LARGE1: variants seen among roughly 807,000 people sequenced by gnomAD.
LARGE1 encodes the protein xylosyl- and glucuronyltransferase LARGE1.
Under a neutral mutation model 87.6 loss-of-function variants are expected in LARGE1, and 43 were observed. The observed-to-expected ratio is 0.49, with a 90% CI of 0.38 to 0.63. The LOEUF (loss-of-function observed/expected upper bound fraction) is 0.63. LARGE1 is among the 30% of genes least tolerant of loss of function. The pLI is 0.00. For synonymous variants in LARGE1, 434 were observed against 394.6 expected (o/e 1.10, Z -1.18); for missense variants, 802 against 1,000.2 (o/e 0.80, Z 2.67).
chr22:33,272,232 G>A (rs546847448), downstream of LARGE1, among the ~76,000 whole-genome samples: 4 of 152,290 alleles, frequency 2.6e-5, no homozygotes, highest in African/African-American at 9.6e-5. Flanking sequence ...AACCTGTATC[G>A]GTATGTGTAC....
At chr22:33,419,266 C>A (rs983325754) in intron 7 of LARGE1, among the ~76,000 whole-genome samples, 1 of 152,010 alleles carries the variant, frequency 6.6e-6, no homozygotes, top group East Asian at 1.9e-4. Flanking sequence ...TGCCTCCCAT[C>A]AGGTTCCTCC....
At chr22:33,304,621 AT>A in intron 11 of LARGE1, 114 bp from the exon 12 acceptor site, 1 of 1,132,758 alleles carries the variant, frequency 8.8e-7, no homozygotes, top group Non-Finnish European at 1.2e-6. Flanking sequence ...TGTGGATCAA[AT>A]CCCTGCTTTC....
At chr22:33,644,431 T>A (rs2080543144) in intron 3 of LARGE1, among the ~76,000 whole-genome samples, 2 of 152,208 alleles carry the variant, frequency 1.3e-5, no homozygotes, top group Non-Finnish European at 2.9e-5. Flanking sequence ...AAGAGCTATT[T>A]ATGACAAACC....
At chr22:33,374,595 A>G (rs1284355391) in intron 9 of LARGE1, among the ~76,000 whole-genome samples, 1 of 152,160 alleles carries the variant, frequency 6.6e-6, no homozygotes, top group Non-Finnish European at 1.5e-5. Flanking sequence ...TTGACCTGAA[A>G]TTAACTTTTG....
chr22:33,359,808 C>T lies in LARGE1; in HGVS notation c.1132-22007G>A, dbSNP rs1266142748. Among the ~76,000 whole-genome samples the T allele has an allele frequency of 2.5e-4, 38 of 149,182 alleles. 3 individuals carry two copies. Among genetic ancestry groups the T allele is most frequent in the Admixed American group, 2.5e-3 (38 of 15,070 alleles). On this transcript the variant is annotated intron_variant, in intron 9 of 14. Transcript: ENST00000397394. Reference sequence around the variant, plus strand: ...CTCGATCTCCTGACCTTGTGATCTGCCCGCCTCGGCCTCCCAAAGTGCTGG... The same window carrying T: ...CTCGATCTCCTGACCTTGTGATCTGTCCGCCTCGGCCTCCCAAAGTGCTGG...
At chr22:33,532,147 T>G (rs1472534968) in intron 6 of LARGE1, among the ~76,000 whole-genome samples, 3 of 152,240 alleles carry the variant, frequency 2.0e-5, no homozygotes, top group Non-Finnish European at 2.9e-5. Context: ...ATCTATCCCT[T>G]ATTTCATTCC....
intron 9 of LARGE1, among the ~76,000 whole-genome samples, chr22:33,348,272 CCCCA>C (rs1403475549): frequency 1.8e-4 from 16 of 87,046 alleles, no homozygotes; most frequent in South Asian, 5.4e-4. Context: ...GTCCCCGCTC[CCCCA>C]CCCACCCCCC....
chr22:33,620,222 C>G (rs2079704723), intron 4 of LARGE1, among the ~76,000 whole-genome samples: 1 of 152,214 alleles, frequency 6.6e-6, no homozygotes, highest in African/African-American at 2.4e-5. Context: ...GGCAAATAAC[C>G]CAGCTTCATC....
chr22:33,425,048 G>T (rs2066829173), intron 7 of LARGE1, among the ~76,000 whole-genome samples: 1 of 151,782 alleles, frequency 6.6e-6, no homozygotes, highest in Non-Finnish European at 1.5e-5. Flanking sequence ...TGGATCATGA[G>T]GTTAGGAGTT....
chr22:33,890,191 G>C (rs2064968196), intron 1 of LARGE1, among the ~76,000 whole-genome samples: 2 of 152,218 alleles, frequency 1.3e-5, no homozygotes, highest in South Asian at 4.1e-4. Context: ...TAATTCTGGT[G>C]TTCAAATCCT....
intron 6 of LARGE1, among the ~76,000 whole-genome samples, chr22:33,493,741 A>T (rs2069969523): frequency 6.6e-6 from 1 of 152,128 alleles, no homozygotes; most frequent in African/African-American, 2.4e-5. Context: ...TGGGGCTGGG[A>T]TTCACAGCCA....
intron 1 of LARGE1, among the ~76,000 whole-genome samples, chr22:33,811,058 T>C (rs1313814463): frequency 6.6e-6 from 1 of 152,116 alleles, no homozygotes; most frequent in Non-Finnish European, 1.5e-5. Flanking sequence ...ATAAACATGA[T>C]TAATGCGTGA....
At chr22:33,595,970 T>C (rs8135260) in intron 5 of LARGE1, among the ~76,000 whole-genome samples, 22,598 of 152,114 alleles carry the variant, frequency 0.15, 1,892 homozygotes, top group African/African-American at 0.22. Flanking sequence ...TCTAATAGAG[T>C]TTCTAAATAT....
intron 7 of LARGE1, among the ~76,000 whole-genome samples, chr22:33,408,147 A>C (rs914901617): frequency 6.6e-6 from 1 of 150,934 alleles, no homozygotes; most frequent in Non-Finnish European, 1.5e-5. Context: ...CGCCCAGCTA[A>C]TTTTTTTTTG....
chr22:33,491,858 A>G (rs1473750350), intron 6 of LARGE1, among the ~76,000 whole-genome samples: 3 of 152,226 alleles, frequency 2.0e-5, no homozygotes, highest in East Asian at 3.8e-4. Flanking sequence ...CTAAATTACT[A>G]TGAAATAAAG....
At chr22:33,194,893 A>G (rs537851241) in intron 11 of LARGE1, among the ~76,000 whole-genome samples, 1 of 152,340 alleles carries the variant, frequency 6.6e-6, no homozygotes, top group South Asian at 2.1e-4. Flanking sequence ...CTTGACTCTC[A>G]GCCCAGAGTC....
At chr22:33,410,477 C>T (rs888569971) in intron 7 of LARGE1, among the ~76,000 whole-genome samples, 3 of 152,024 alleles carry the variant, frequency 2.0e-5, no homozygotes, top group African/African-American at 2.4e-5. Flanking sequence ...TGAGTTCTCA[C>T]GAGATCTGAT....
At chr22:33,422,360 C>A (rs2066722254) in intron 7 of LARGE1, among the ~76,000 whole-genome samples, 1 of 152,160 alleles carries the variant, frequency 6.6e-6, no homozygotes. Flanking sequence ...GTTCTGCAGG[C>A]TTTACAAGAA....
At chr22:33,127,283 C>A in the LARGE1 span, among the ~76,000 whole-genome samples, 1 of 152,080 alleles carries the variant, frequency 6.6e-6, no homozygotes, top group African/African-American at 2.4e-5. Flanking sequence ...AATGAGCAAC[C>A]CAGGATTAAG....
Sources: allele counts gnomAD v4.1 joint callset (sites outside exome capture counted in the v4.1 genomes callset), GRCh38; gene constraint gnomAD v4.1.1; transcripts MANE v1.5; gene names NCBI Gene and HGNC (gene_info 2026-07-23, HGNC 2026-07-21).